Variants in IFNL3 observed in about 807,000 individuals in gnomAD.
IFNL3 encodes interferon lambda-3.
IFNL3 carries 16 observed loss-of-function variants against 16.3 expected under a neutral mutation model. That is an observed-to-expected ratio of 0.98 (90% confidence interval 0.67 to 1.50). The LOEUF is 1.50. IFNL3 is among the 40% of genes most tolerant of loss of function. IFNL3 has a pLI of 0.00. For missense variants in IFNL3, 254 were observed against 253.5 expected (o/e 1.00, Z -0.01); for synonymous variants, 115 against 115.3 (o/e 1.00, Z 0.02).
Position 39,243,699 on chromosome 19 carries a change from G to A in IFNL3, c.524C>T (p.Thr175Ile), listed in dbSNP as rs747605145. The A allele has an allele frequency of 1.2e-6, 2 of 1,609,988 alleles. No homozygotes were observed. Among genetic ancestry groups the A allele is most frequent in the South Asian group, 2.2e-5 (2 of 90,426 alleles). The change falls in exon 5 of 5, where the codon ACC becomes ATC. Residue 175 changes from threonine to isoleucine, a missense_variant. Coordinates refer to ENST00000413851, the MANE Select transcript of IFNL3 (RefSeq NM_172139.4). ...CGTGAGGAGGCGGAAGAGGTTGAAG[G>A]TGACAGAGGCCTCGAGGCAGCCAGG... Reference protein sequence around the residue: ...ESPGCLEASVTFNLFRLLTRD... With the variant: ...ESPGCLEASVIFNLFRLLTRD...
In IFNL3 at chr19:39,243,995, C is replaced by T. The variant is rs2074928845; in HGVS notation, c.408+13G>A. On this transcript the variant is annotated intron_variant, in intron 3 of 4. Transcript: ENST00000413851. ...AGCTCACAGACCTGGGTGCCCGGGCCCTGACGACTCACACAGGCCCGGAGC... is the reference window on the plus strand; with the variant it reads ...AGCTCACAGACCTGGGTGCCCGGGCTCTGACGACTCACACAGGCCCGGAGC... 1 of 1,612,752 alleles carries T rather than the reference C, an allele frequency of 6.2e-7. No individual in the cohort carries two copies. Among genetic ancestry groups the T allele is most frequent in the African/African-American group, 1.3e-5 (1 of 74,992 alleles).
Position 39,244,402 on chromosome 19 carries a change from G to A in IFNL3, c.258+15C>T. On this transcript the variant is annotated intron_variant, in intron 2 of 4. Transcript: ENST00000413851. Reference sequence around the variant, plus strand: ...GGGCTGGGAGGGCAGGGGTGGGCCTGACTCCCCCTCTCACCTGCAGCTGCC... The same window carrying A: ...GGGCTGGGAGGGCAGGGGTGGGCCTAACTCCCCCTCTCACCTGCAGCTGCC... 6.2e-7 allele frequency: 1 copy of A among 1,609,288 alleles called. No homozygotes were observed. Among genetic ancestry groups the A allele is most frequent in the Non-Finnish European group, 8.5e-7 (1 of 1,177,782 alleles).
In IFNL3 at chr19:39,244,410, C is replaced by A; in HGVS notation, c.258+7G>T. The A allele has an allele frequency of 6.2e-7, 1 of 1,610,400 alleles. No homozygotes were observed. The highest frequency in any genetic ancestry group is 8.5e-7 in the Non-Finnish European group (1 of 1,178,358). ...AGGGCAGGGGTGGGCCTGACTCCCC[C>A]TCTCACCTGCAGCTGCCTCAGGTCC... On this transcript the variant is annotated splice_region_variant and intron_variant, in intron 2 of 4. Coordinates refer to ENST00000413851, the MANE Select transcript of IFNL3 (RefSeq NM_172139.4).
chr19:39,244,959 C>A lies in IFNL3; in HGVS notation c.9G>T (p.Gly3=). The change falls in exon 1 of 5, where the codon GGG becomes GGT. Residue 3 remains glycine (G), a synonymous_variant. Coordinates refer to ENST00000413851, the MANE Select transcript of IFNL3 (RefSeq NM_172139.4). ...TCAGCACCAGCACTGGCATGCAGTC[C>A]CCGGTCATGTCTGTGTCACAGAGAG... MT[G]DCMPVLVLMA... is the part of the protein sequence containing the mutation. The A allele has an allele frequency of 1.9e-6, 3 of 1,613,968 alleles. No individual in the cohort carries two copies. The highest frequency in any genetic ancestry group is 2.5e-6 in the Non-Finnish European group (3 of 1,179,862).
At chr19:39,243,964 G>T (rs375801248) in intron 3 of IFNL3, 44 bp downstream of exon 3, 1 of 1,611,950 alleles carries the variant, frequency 6.2e-7, no homozygotes, top group East Asian at 2.2e-5. Flanking sequence ...GAAGGACGCT[G>T]CTCAGAGCTC....
chr19:39,243,683 G>A lies in IFNL3; in HGVS notation c.540C>T (p.Arg180=), dbSNP rs1385315441. 3 of 1,608,322 alleles carry A rather than the reference G, an allele frequency of 1.9e-6. No homozygotes were observed. The highest frequency in any genetic ancestry group is 2.2e-5 in the East Asian group (1 of 44,670). The part of the protein sequence containing the change: ...LEASVTFNLF[R]LLTRDLNCVA... ...CACAATTCAGGTCTCGCGTGAGGAG[G>A]CGGAAGAGGTTGAAGGTGACAGAGG... Residue 180 remains arginine (R), a synonymous_variant, in exon 5 of 5, where the codon CGC becomes CGT. Coordinates refer to ENST00000413851, the MANE Select transcript of IFNL3 (RefSeq NM_172139.4).
chr19:39,245,025 A>C (rs1555786228), upstream of IFNL3: 1 of 1,613,050 alleles, frequency 6.2e-7, no homozygotes, highest in South Asian at 1.1e-5. Flanking sequence ...CACTGAGGGC[A>C]GGGGCTGCAG....
At position 39,243,673 on chromosome 19, in the gene IFNL3, G is replaced by A. The variant is rs777895796; in HGVS notation, c.550C>T (p.Arg184Ter). 3.7e-6 allele frequency: 6 copies of A among 1,606,140 alleles called. No homozygotes were observed. Among genetic ancestry groups the A allele is most frequent in the South Asian group, 1.1e-5 (1 of 89,822 alleles). ...CCGCTGGCAACACAATTCAGGTCTC[G>A]CGTGAGGAGGCGGAAGAGGTTGAAG... ...VTFNLFRLLT[R>*]DLNCVASGDL... is the part of the protein sequence containing the mutation. The change falls in exon 5 of 5, where the codon CGA (arginine) becomes TGA (stop). Residue 184 changes from arginine (R) to a stop codon, truncating the protein, a stop_gained. Coordinates refer to ENST00000413851, the MANE Select transcript of IFNL3 (RefSeq NM_172139.4). LOFTEE classifies it high-confidence loss of function.
chr19:39,244,140 C>T lies in IFNL3; in HGVS notation c.276G>A (p.Val92=), dbSNP rs772979938. ...LRQLQVRERP[V]ALEAELALTL... is the part of the protein sequence containing the mutation. Reference sequence around the variant, plus strand: ...TCAGGGCCAGCTCAGCCTCCAAAGCCACGGGGCGCTCCCTCACCTGAGGAG... The same window carrying T: ...TCAGGGCCAGCTCAGCCTCCAAAGCTACGGGGCGCTCCCTCACCTGAGGAG... Residue 92 remains valine, a synonymous_variant, in exon 3 of 5, where the codon GTG becomes GTA. Transcript: ENST00000413851. 3 of 1,614,144 alleles carry T rather than the reference C, an allele frequency of 1.9e-6. No homozygotes were observed. The highest frequency in any genetic ancestry group is 3.3e-5 in the Admixed American group (2 of 60,018).
At chr19:39,244,560 T>G in intron 1 of IFNL3, 66 bp from the exon 2 acceptor site, 1 of 1,520,910 alleles carries the variant, frequency 6.6e-7, no homozygotes, top group Admixed American at 1.9e-5. Flanking sequence ...CTGATGGGAT[T>G]GGAGGATGGC....
In IFNL3 at chr19:39,244,404, C is replaced by T; in HGVS notation, c.258+13G>A. The T allele has an allele frequency of 1.2e-6, 2 of 1,609,822 alleles. No individual in the cohort carries two copies. Among genetic ancestry groups the T allele is most frequent in the African/African-American group, 1.3e-5 (1 of 74,802 alleles). On this transcript the variant is annotated intron_variant, in intron 2 of 4. Transcript: ENST00000413851. ...GCTGGGAGGGCAGGGGTGGGCCTGA[C>T]TCCCCCTCTCACCTGCAGCTGCCTC...
rs1334416596 is a variant in IFNL3, at chr19:39,244,893, G to A, written c.75C>T (p.Ala25=). 1.9e-6 allele frequency: 3 copies of A among 1,613,998 alleles called. No homozygotes were observed. The highest frequency in any genetic ancestry group is 1.7e-5 in the Admixed American group (1 of 60,018). ...VLTVTGAVPV[A]RLRGALPDAR... is the part of the protein sequence containing the mutation. ...CATCCGGGAGAGCCCCGCGGAGCCT[G>A]GCGACAGGAACTGCTCCAGTCACGG... The change falls in exon 1 of 5, where the codon GCC becomes GCT. Residue 25 remains alanine (A), a synonymous_variant. Transcript: ENST00000413851.
chr19:39,243,982 T>A, intron 3 of IFNL3, 26 bp downstream of exon 3: 2 of 1,612,268 alleles, frequency 1.2e-6, no homozygotes, highest in Non-Finnish European at 1.7e-6. Flanking sequence ...CTCACAGACC[T>A]GGGTGCCCGG....
At chr19:39,244,321 G>T in intron 2 of IFNL3, 96 bp downstream of exon 2, 1 of 1,494,324 alleles carries the variant, frequency 6.7e-7, no homozygotes, top group Non-Finnish European at 9.1e-7. Context: ...GGGGAGAGGA[G>T]AGAGGGACAA....
chr19:39,243,754 A>G, intron 4 of IFNL3, 24 bp from the exon 5 acceptor site: 1 of 1,613,050 alleles, frequency 6.2e-7, no homozygotes, highest in Non-Finnish European at 8.5e-7. Flanking sequence ...GGGATGGGTC[A>G]GGGGCTGTCT....
chr19:39,244,312 G>A (rs1181872016), intron 2 of IFNL3, 105 bp downstream of exon 2: 4 of 1,483,158 alleles, frequency 2.7e-6, no homozygotes, highest in African/African-American at 2.8e-5. Flanking sequence ...AGCAGGTGTG[G>A]GGAGAGGAGA....
rs1247998665 is a variant in IFNL3, at chr19:39,243,646, C to A, written c.577G>T (p.Asp193Tyr). 1.3e-6 allele frequency: 2 copies of A among 1,599,490 alleles called. No individual in the cohort carries two copies. The highest frequency in any genetic ancestry group is 1.7e-6 in the Non-Finnish European group (2 of 1,173,158). The change falls in exon 5 of 5, where the codon GAC (aspartate) becomes TAC (tyrosine). Residue 193 changes from aspartate (D) to tyrosine (Y), a missense_variant. By Grantham distance (160) the Asp-to-Tyr change is radical. Transcript: ENST00000413851. ...TRDLNCVASG[D>Y]LCV ...TGGCGGAAGGGTCAGACACACAGGT[C>A]CCCGCTGGCAACACAATTCAGGTCT... is the stretch of plus-strand genomic sequence containing the variant.
rs2074931733 is a variant in IFNL3 at position 39,244,273 on chromosome 19, G to A, written c.259-116C>T. 29 of 1,512,918 alleles carry A rather than the reference G, an allele frequency of 1.9e-5. No individual in the cohort carries two copies. The South Asian group carries it at 3.3e-4, about 17-fold the overall frequency. The allele number at this position is 1,512,918 out of a possible 1,614,324, so 93.7% of individuals were successfully genotyped here. A position where few individuals can be genotyped will look rare whatever the true frequency, so the allele number is the denominator to read the frequency against. ...GCACAGGGGAGAGGGCACAGCCAGTGTGGTCAGGTAGGAGCAGAGGGAAGG... is the reference window on the plus strand; with the variant it reads ...GCACAGGGGAGAGGGCACAGCCAGTATGGTCAGGTAGGAGCAGAGGGAAGG... On this transcript the variant is annotated intron_variant, in intron 2 of 4. Coordinates refer to ENST00000413851, the MANE Select transcript of IFNL3 (RefSeq NM_172139.4).
rs629976 is a variant in IFNL3 at position 39,244,885 on chromosome 19, C to G, written c.83G>C (p.Arg28Pro). The G allele has an allele frequency of 1.2e-6, 2 of 1,613,846 alleles. No individual in the cohort carries two copies. Among genetic ancestry groups the G allele is most frequent in the Non-Finnish European group, 1.7e-6 (2 of 1,179,782 alleles). The change falls in exon 1 of 5, where the codon CGC becomes CCC. Residue 28 changes from arginine to proline, a missense_variant. Physicochemically the swap from Arg to Pro is moderately radical, Grantham distance 103. Transcript: ENST00000413851. ...GCCCCTTGCATCCGGGAGAGCCCCG[C>G]GGAGCCTGGCGACAGGAACTGCTCC... ...VTGAVPVARL[R>P]GALPDARGCH...
Sources: allele counts gnomAD v4.1 joint callset, GRCh38; gene constraint gnomAD v4.1.1; transcripts MANE v1.5; gene names NCBI Gene and HGNC (gene_info 2026-07-23, HGNC 2026-07-21).